NRXN3: variants seen among roughly 807,000 people sequenced by gnomAD.
The protein encoded by NRXN3 is neurexin 3.
Under a neutral mutation model 137.6 loss-of-function variants are expected in NRXN3, and 32 were observed. That is an observed-to-expected ratio of 0.23 (90% CI 0.18 to 0.31). The LOEUF is 0.31. Among genes scored for constraint, NRXN3 ranks in the 10% least tolerant of loss-of-function variants. The pLI is 1.00. For synonymous variants in NRXN3, 798 were observed against 784.5 expected, an observed-to-expected ratio of 1.02 and a Z score of -0.29; for missense variants, 1,574 against 2,062.5, an observed-to-expected ratio of 0.76 and a Z score of 4.59.
intron 8 of NRXN3, among the ~76,000 whole-genome samples, chr14:78,763,062 G>T (rs1267936034): frequency 6.6e-6 from 1 of 152,168 alleles, no homozygotes; most frequent in Non-Finnish European, 1.5e-5. Context: ...AGTAAGGGTG[G>T]CAGGGACTAC....
chr14:78,263,264 T>G (rs1215547447), intron 2 of NRXN3, among the ~76,000 whole-genome samples: 1 of 152,242 alleles, frequency 6.6e-6, no homozygotes, highest in Non-Finnish European at 1.5e-5. Flanking sequence ...CTGTTGCAGA[T>G]GTTAGCTTCG....
rs1816261549 is a variant in NRXN3, at chr14:78,389,172, C to T, written c.757+91312C>T. On this transcript the variant is annotated intron_variant, in intron 4 of 20. Transcript: ENST00000335750. ...CTGGGTTCAAGCAATTCTCTTGCCT[C>T]AGCCTCCCGAGTAGCTGGGATTACA... is the stretch of plus-strand genomic sequence containing the variant. Among the ~76,000 whole-genome samples the T allele has an allele frequency of 2.0e-5, 3 of 151,876 alleles. No homozygotes were observed. In the South Asian group the frequency reaches 6.2e-4, roughly 32 times the overall value.
chr14:78,747,867 C>T (rs1323081575), intron 8 of NRXN3, among the ~76,000 whole-genome samples: 4 of 152,164 alleles, frequency 2.6e-5, no homozygotes, highest in Admixed American at 6.5e-5. Flanking sequence ...TCTCCCTATG[C>T]CTTGATCTAA....
chr14:79,160,703 C>T (rs2060687280), intron 15 of NRXN3, among the ~76,000 whole-genome samples: 1 of 151,828 alleles, frequency 6.6e-6, no homozygotes, highest in South Asian at 2.1e-4. Flanking sequence ...CAATTTACTG[C>T]TTTTAACCTG....
Position 79,692,354 on chromosome 14 carries a change from G to A in NRXN3, c.3706+92G>A, listed in dbSNP as rs2098719855. On this transcript the variant is annotated intron_variant, in intron 18 of 20. Transcript: ENST00000335750. ...AATAAATGTTCCTTAAATGATAATC[G>A]CCTGCTGCATAAATGACTGTTTTAA... 4.3e-5 allele frequency: 39 copies of A among 907,354 alleles called. 1 individual carries two copies. The highest frequency in any genetic ancestry group is 2.5e-4 in the Middle Eastern group (1 of 3,992). The allele number at this position is 907,354 out of a possible 1,614,324, so 56.2% of individuals were successfully genotyped here.
At chr14:79,698,359 C>T (rs1430748785) in intron 19 of NRXN3, among the ~76,000 whole-genome samples, 2 of 151,962 alleles carry the variant, frequency 1.3e-5, no homozygotes, top group South Asian at 2.1e-4. Flanking sequence ...TAACATGAAT[C>T]TTTCATTATT....
intron 15 of NRXN3, among the ~76,000 whole-genome samples, chr14:79,359,907 C>A (rs1181091409): frequency 6.6e-6 from 1 of 152,082 alleles, no homozygotes; most frequent in African/African-American, 2.4e-5. Context: ...GACTTTATTT[C>A]TTTATAAAGC....
chr14:79,604,256 A>T (rs542533590), intron 16 of NRXN3, among the ~76,000 whole-genome samples: 1 of 151,774 alleles, frequency 6.6e-6, no homozygotes, highest in African/African-American at 2.4e-5. Flanking sequence ...TTTGTTTGAG[A>T]TGGAGTTTCA....
At chr14:79,145,047 A>G (rs577053720) in intron 15 of NRXN3, among the ~76,000 whole-genome samples, 1 of 152,222 alleles carries the variant, frequency 6.6e-6, no homozygotes, top group South Asian at 2.1e-4. Flanking sequence ...GTCTCATGCA[A>G]TTTCCTGTGT....
At chr14:78,953,145 C>T (rs2099390222) in intron 10 of NRXN3, among the ~76,000 whole-genome samples, 1 of 152,136 alleles carries the variant, frequency 6.6e-6, no homozygotes, top group Admixed American at 6.5e-5. Context: ...ATCCAAAGTT[C>T]ACCTTATGAA....
chr14:79,365,735 A>G (rs929394075), intron 15 of NRXN3, among the ~76,000 whole-genome samples: 3 of 146,818 alleles, frequency 2.0e-5, no homozygotes, highest in Non-Finnish European at 3.0e-5. Flanking sequence ...CAAAAAAAAA[A>G]AAAAAAAAAG....
intron 4 of NRXN3, among the ~76,000 whole-genome samples, chr14:78,370,453 A>C (rs1207340189): frequency 6.6e-6 from 1 of 152,168 alleles, no homozygotes; most frequent in Admixed American, 6.5e-5. Flanking sequence ...AAATAGTTGA[A>C]GAATTCTTTA....
At chr14:79,234,324 AT>A (rs1357911261) in intron 15 of NRXN3, among the ~76,000 whole-genome samples, 8 of 114,640 alleles carry the variant, frequency 7.0e-5, no homozygotes, top group Non-Finnish European at 8.7e-5. Context: ...ATATATATAT[AT>A]ATATATATAT....
chr14:79,600,562 A>T (rs904101268), intron 16 of NRXN3, among the ~76,000 whole-genome samples: 2 of 152,228 alleles, frequency 1.3e-5, no homozygotes, highest in Non-Finnish European at 2.9e-5. Flanking sequence ...GAAAGGAAGT[A>T]GCATAAGGTG....
At chr14:79,803,850 G>A (rs905920645) in intron 19 of NRXN3, among the ~76,000 whole-genome samples, 5 of 150,542 alleles carry the variant, frequency 3.3e-5, no homozygotes, top group African/African-American at 7.3e-5. Context: ...CCCAAAAGAC[G>A]GTTGTGAGAA....
chr14:78,397,270 G>A (rs1468300811), intron 4 of NRXN3, among the ~76,000 whole-genome samples: 1 of 152,060 alleles, frequency 6.6e-6, no homozygotes, highest in Non-Finnish European at 1.5e-5. Flanking sequence ...TGCCTCCTTT[G>A]TCCTCTTCCT....
intron 19 of NRXN3, among the ~76,000 whole-genome samples, chr14:79,732,966 A>G (rs1220774612): frequency 1.3e-5 from 2 of 152,198 alleles, no homozygotes; most frequent in Non-Finnish European, 2.9e-5. Flanking sequence ...TGATATTAAT[A>G]TTAATATCAG....
Position 78,958,811 on chromosome 14 carries a change from T to A in NRXN3, c.2395+1450T>A, listed in dbSNP as rs3792912. 2.0e-5 allele frequency among the ~76,000 whole-genome samples: 3 copies of A among 152,268 alleles called. No individual in the cohort carries two copies. The East Asian group carries it at 5.8e-4, about 29-fold the overall frequency. ...ATCAGATCTGGGCCCTGACGTTAAC[T>A]TGCAGGACGTTAGGAAAGTTAACAT... On this transcript the variant is annotated intron_variant, in intron 11 of 20. Coordinates refer to ENST00000335750, the MANE Select transcript of NRXN3 (RefSeq NM_001330195.2).
chr14:78,362,515 A>G (rs2085281485), intron 4 of NRXN3, among the ~76,000 whole-genome samples: 1 of 152,218 alleles, frequency 6.6e-6, no homozygotes, highest in Non-Finnish European at 1.5e-5. Flanking sequence ...CATAAATTAG[A>G]ACACTTCAGA....
Sources: allele counts gnomAD v4.1 joint callset (sites outside exome capture counted in the v4.1 genomes callset), GRCh38; gene constraint gnomAD v4.1.1; transcripts MANE v1.5; gene names NCBI Gene and HGNC (gene_info 2026-07-23, HGNC 2026-07-21).